SLC38A9: variants seen among roughly 807,000 people sequenced by gnomAD.
SLC38A9 encodes the protein solute carrier family 38 member 9.
A neutral mutation model predicts 62.3 loss-of-function variants in SLC38A9; 48 were observed. The ratio of observed to expected loss-of-function variants is 0.77; its 90% confidence interval spans 0.61 to 0.98. The LOEUF is 0.98. SLC38A9 is among the 50% of genes least tolerant of loss of function. The pLI, the probability that SLC38A9 is intolerant of heterozygous loss-of-function variation, is 0.00. For missense variants in SLC38A9, 541 were observed against 679.8 expected, an observed-to-expected ratio of 0.80 and a Z score of 2.27; for synonymous variants, 204 against 227.7, an observed-to-expected ratio of 0.90 and a Z score of 0.94.
intron 10 of SLC38A9, among the ~76,000 whole-genome samples, chr5:55,649,703 T>C (rs1747048781): frequency 6.6e-6 from 1 of 152,096 alleles, no homozygotes; most frequent in Non-Finnish European, 1.5e-5. Flanking sequence ...ACGCCTATAA[T>C]CACAGCTACT....
intron 3 of SLC38A9, among the ~76,000 whole-genome samples, chr5:55,695,286 T>A (rs77498975): frequency 1.3e-5 from 2 of 150,404 alleles, no homozygotes; most frequent in Non-Finnish European, 3.0e-5. Context: ...TTTTTTTTTT[T>A]ATTGATCATT....
intron 2 of SLC38A9, among the ~76,000 whole-genome samples, chr5:55,709,773 T>C (rs1757758427): frequency 6.6e-6 from 1 of 151,976 alleles, no homozygotes. Flanking sequence ...ATTAGAAATC[T>C]AAGGCTAACT....
intron 2 of SLC38A9, among the ~76,000 whole-genome samples, chr5:55,698,806 C>A (rs1398337471): frequency 6.6e-6 from 1 of 152,172 alleles, no homozygotes; most frequent in Non-Finnish European, 1.5e-5. Context: ...TGGCACATGC[C>A]TGTAGTCTCA....
rs1452920510 is a variant in SLC38A9 at position 55,652,522 on chromosome 5, T to G, written c.952+7A>C. ...CAAAGTCTCCATAATTCAGTGCTAC[T>G]ACTTACCTAGGATATTAAATTTTGA... On this transcript the variant is annotated splice_region_variant and intron_variant, in intron 10 of 15. Transcript: ENST00000396865. 2 of 1,574,314 alleles carry G rather than the reference T, an allele frequency of 1.3e-6. No homozygotes were observed. The highest frequency in any genetic ancestry group is 1.7e-6 in the Non-Finnish European group (2 of 1,155,224).
chr5:55,672,494 C>A (rs1751481959), intron 4 of SLC38A9, 69 bp downstream of exon 4: 1 of 1,543,186 alleles, frequency 6.5e-7, no homozygotes, highest in East Asian at 2.3e-5. Context: ...CTGGGAGGTG[C>A]CCTGGCTTAT....
chr5:55,627,784 A>G (rs1447233212), intron 15 of SLC38A9, 107 bp downstream of exon 15: 4 of 658,350 alleles, frequency 6.1e-6, no homozygotes, highest in Non-Finnish European at 1.1e-5. Context: ...AGTTTTAAAT[A>G]CTCATAGGAA....
chr5:55,705,394 C>T (rs1358603215), intron 2 of SLC38A9, among the ~76,000 whole-genome samples: 1 of 120,416 alleles, frequency 8.3e-6, no homozygotes, highest in Non-Finnish European at 1.7e-5. Context: ...TGTTTAAATC[C>T]AATAAATCCT....
rs185904496 is a variant in SLC38A9, at chr5:55,655,898, T to C, written c.757+817A>G. 5.9e-5 allele frequency among the ~76,000 whole-genome samples: 9 copies of C among 152,290 alleles called. No individual in the cohort carries two copies. In the East Asian group the frequency reaches 1.7e-3, roughly 29 times the overall value. ...ATATTCACTTTCCCTGTAACGGCCA[T>C]ACTGGATTAAACTCATTGGCTCACA... On this transcript the variant is annotated intron_variant, in intron 9 of 15. Transcript: ENST00000396865.
chr5:55,699,657 C>T (rs970449875), intron 2 of SLC38A9, among the ~76,000 whole-genome samples: 3 of 151,648 alleles, frequency 2.0e-5, no homozygotes, highest in South Asian at 4.2e-4. Flanking sequence ...AAATAAATAA[C>T]AGAAAAAGTA....
chr5:55,671,502 C>CTTT lies in SLC38A9; in HGVS notation c.246+1060_246+1061insAAA, dbSNP rs145470405. Among the ~76,000 whole-genome samples, 326 of 144,364 alleles carry CTTT rather than the reference C, an allele frequency of 2.3e-3. 51 individuals are homozygous for CTTT. The highest frequency in any genetic ancestry group is 4.5e-3 in the South Asian group (21 of 4,646). The allele number at this position is 144,364 out of a possible 152,430, so 94.7% of individuals were successfully genotyped here. A position where few individuals can be genotyped will look rare whatever the true frequency, so the allele number is the denominator to read the frequency against. On this transcript the variant is annotated intron_variant, in intron 4 of 15. Coordinates refer to ENST00000396865, the MANE Select transcript of SLC38A9 (RefSeq NM_173514.4). ...TGTGTACATATTTCAGTTTCCCATTCTTCTTTTTTTTTTTTTTTAAGAGAT... is the reference window on the plus strand; with the variant it reads ...TGTGTACATATTTCAGTTTCCCATTCTTTTTCTTTTTTTTTTTTTTTAAGAGAT...
At chr5:55,706,777 A>G (rs914686280) in intron 2 of SLC38A9, among the ~76,000 whole-genome samples, 2 of 152,306 alleles carry the variant, frequency 1.3e-5, no homozygotes, top group Non-Finnish European at 2.9e-5. Context: ...TAAATTTTCA[A>G]CAGAAATTTA....
intron 8 of SLC38A9, among the ~76,000 whole-genome samples, chr5:55,657,490 G>GTGT (rs1554056549): frequency 2.0e-5 from 3 of 147,474 alleles, no homozygotes; most frequent in South Asian, 4.3e-4. Context: ...GAAAATCAAA[G>GTGT]TTTTTTTTTT....
Position 55,626,209 on chromosome 5 carries a change from C to A in SLC38A9, c.*285G>T. 4.4e-6 allele frequency: 1 copy of A among 227,686 alleles called. No homozygotes were observed. Among genetic ancestry groups the A allele is most frequent in the Admixed American group, 5.3e-5 (1 of 18,890 alleles). The allele number at this position is 227,686 out of a possible 1,614,324, so 14.1% of individuals were successfully genotyped here. The stretch of plus-strand genomic sequence containing the variant: ...ACCTTTTATCTCTAAAAGCAAAACC[C>A]AGCATGATTTCTTCCTAGGGCATAC... On this transcript the variant is annotated 3_prime_UTR_variant, in exon 16 of 16. Transcript: ENST00000396865.
intron 8 of SLC38A9, among the ~76,000 whole-genome samples, chr5:55,664,119 C>T (rs1388457119): frequency 6.8e-6 from 1 of 146,762 alleles, no homozygotes; most frequent in Non-Finnish European, 1.5e-5. Context: ...GGCAACATAG[C>T]AAGGCCCTGT....
At chr5:55,660,542 G>GATGT (rs1376734141) in intron 8 of SLC38A9, among the ~76,000 whole-genome samples, 1 of 152,208 alleles carries the variant, frequency 6.6e-6, no homozygotes, top group African/African-American at 2.4e-5. Context: ...GAGGTGTATA[G>GATGT]ATGTATGTAT....
chr5:55,683,445 A>G (rs1368719409), intron 3 of SLC38A9, among the ~76,000 whole-genome samples: 2 of 152,226 alleles, frequency 1.3e-5, no homozygotes, highest in Non-Finnish European at 2.9e-5. Context: ...TAGGAATGCC[A>G]TATTTTCGGA....
intron 10 of SLC38A9, among the ~76,000 whole-genome samples, 165 bp from the exon 11 acceptor site, chr5:55,649,479 G>A (rs978583055): frequency 3.7e-5 from 5 of 135,700 alleles, no homozygotes; most frequent in African/African-American, 1.3e-4. Context: ...GAAACAAGCT[G>A]AGGGAGTTAC....
chr5:55,699,529 A>G (rs1756369570), intron 2 of SLC38A9, among the ~76,000 whole-genome samples: 1 of 152,238 alleles, frequency 6.6e-6, no homozygotes, highest in Non-Finnish European at 1.5e-5. Context: ...ATAACCTAGC[A>G]TATGAGGAAA....
At position 55,652,546 on chromosome 5, in the gene SLC38A9, GA is replaced by G; in HGVS notation, c.934del (p.Ser312GlnfsTer6). 6.3e-7 allele frequency: 1 copy of G among 1,599,762 alleles called. No homozygotes were observed. Among genetic ancestry groups the G allele is most frequent in the Non-Finnish European group, 8.5e-7 (1 of 1,173,166 alleles). ...LLNFKSPSFFSKFNILGTVSV... is the reference protein window; with the variant it reads ...LLNFKSPSFFXKFNILGTVSV... ...CTACTTACCTAGGATATTAAATTTT[GA>G]AAAAAATGAAGGAGACTTGAAATTG... On this transcript the variant is annotated frameshift_variant, in exon 10 of 16. Coordinates refer to ENST00000396865, the MANE Select transcript of SLC38A9 (RefSeq NM_173514.4). LOFTEE classifies it high-confidence loss of function.
Sources: allele counts gnomAD v4.1 joint callset (sites outside exome capture counted in the v4.1 genomes callset), GRCh38; gene constraint gnomAD v4.1.1; transcripts MANE v1.5; gene names NCBI Gene and HGNC (gene_info 2026-07-23, HGNC 2026-07-21).